The following ANOS1 variants were observed in gnomAD, a reference collection of about 807,000 sequenced individuals.
ANOS1 encodes anosmin 1, also known as anosmin-1.
ANOS1 carries 6 observed loss-of-function variants against 59.0 expected under a neutral mutation model. The observed-to-expected ratio is 0.10, with a 90% CI of 0.06 to 0.20. ANOS1 has a LOEUF of 0.20. Ranked by LOEUF, ANOS1 falls within the 10% of genes least tolerant of loss-of-function variation. The pLI, the probability that ANOS1 is intolerant of heterozygous loss-of-function variation, is 1.00. For synonymous variants in ANOS1, 217 were observed against 223.4 expected, an observed-to-expected ratio of 0.97 and a Z score of 0.25; for missense variants, 433 against 542.3, an observed-to-expected ratio of 0.80 and a Z score of 2.00.
At chrX:8,554,645 T>C (rs906047982) in intron 8 of ANOS1, among the ~76,000 whole-genome samples, 3 of 100,887 alleles carry the variant, frequency 3.0e-5, no homozygotes, top group Non-Finnish European at 2.0e-5. Flanking sequence ...AAGGGGAATA[T>C]ATAATGGTAA....
intron 8 of ANOS1, among the ~76,000 whole-genome samples, chrX:8,555,488 C>G (rs1016910348): frequency 9.0e-6 from 1 of 111,168 alleles, no homozygotes; most frequent in African/African-American, 3.3e-5. Context: ...ACTAGCCAGA[C>G]TAATAAAGAA....
At chrX:8,717,051 G>A (rs1932845546) in intron 1 of ANOS1, among the ~76,000 whole-genome samples, 1 of 111,578 alleles carries the variant, frequency 9.0e-6, no homozygotes, top group Non-Finnish European at 1.9e-5. Context: ...AAATGCACCA[G>A]ACAGCCCCTC....
chrX:8,686,965 A>G (rs1932532785), intron 2 of ANOS1, among the ~76,000 whole-genome samples: 1 of 111,493 alleles, frequency 9.0e-6, no homozygotes, highest in African/African-American at 3.3e-5. Context: ...AAAAAAAATT[A>G]AATAATTAAT....
chrX:8,658,802 G>T (rs1329735373), intron 2 of ANOS1, among the ~76,000 whole-genome samples: 1 of 111,859 alleles, frequency 8.9e-6, no homozygotes, highest in Non-Finnish European at 1.9e-5. Flanking sequence ...AAGAGTGGAT[G>T]GCAGGCTGGG....
At chrX:8,706,555 T>G (rs2146902916) in intron 1 of ANOS1, among the ~76,000 whole-genome samples, 1 of 112,047 alleles carries the variant, frequency 8.9e-6, no homozygotes, top group Non-Finnish European at 1.9e-5. Flanking sequence ...ACCCTGATGA[T>G]GATGATGTGC....
At chrX:8,630,129 G>A (rs1262734072) in intron 2 of ANOS1, among the ~76,000 whole-genome samples, 1 of 111,973 alleles carries the variant, frequency 8.9e-6, no homozygotes, top group Non-Finnish European at 1.9e-5. Flanking sequence ...TAAAATAAAC[G>A]AGTTAAGAAC....
chrX:8,583,590 G>A (rs1930461345), intron 6 of ANOS1, among the ~76,000 whole-genome samples: 2 of 111,409 alleles, frequency 1.8e-5, no homozygotes, highest in African/African-American at 3.3e-5. Context: ...TTAAACTCCC[G>A]TCATTCTAGG....
At chrX:8,695,535 A>G (rs1222262607) in intron 2 of ANOS1, among the ~76,000 whole-genome samples, 1 of 111,261 alleles carries the variant, frequency 9.0e-6, no homozygotes, top group Non-Finnish European at 1.9e-5. Context: ...GTATCCCTAA[A>G]TGAAGCTGAA....
chrX:8,597,222 G>GTT lies in ANOS1; in HGVS notation c.352_353insAA (p.Thr118LysfsTer13). 1.7e-6 allele frequency: 2 copies of GTT among 1,211,411 alleles called. No homozygotes were observed. The highest frequency in any genetic ancestry group is 2.2e-6 in the Non-Finnish European group (2 of 895,140). ...GATGTATTTGAGGAACTCACAGCTG[G>GTT]TCAAGCATTCGTAGCTCTTCTTGGG... On this transcript the variant is annotated frameshift_variant, in exon 4 of 14. Transcript: ENST00000262648. LOFTEE classifies it high-confidence loss of function.
rs1472761162 is a variant in ANOS1 at position 8,532,923 on chromosome X, T to C, written c.*72A>G. ...GAGCAGTTCCCACTGCCTCTGGAAG[T>C]GTGCATGTCTCGTGGCCGAAGTTCA... On this transcript the variant is annotated 3_prime_UTR_variant, in exon 14 of 14. Transcript: ENST00000262648. The C allele has an allele frequency of 3.1e-6, 2 of 644,007 alleles. No individual in the cohort carries two copies. The highest frequency in any genetic ancestry group is 5.2e-6 in the Non-Finnish European group (2 of 384,584). The allele number at this position is 644,007 out of a possible 1,213,427, so 53.1% of individuals were successfully genotyped here.
rs771954531 is a variant in ANOS1 at position 8,664,436 on chromosome X, G to A, written c.255+35262C>T. Among the ~76,000 whole-genome samples the A allele has an allele frequency of 2.4e-3, 263 of 109,987 alleles. 1 individual carries two copies. The highest frequency in any genetic ancestry group is 4.0e-3 in the Non-Finnish European group (210 of 52,711). On this transcript the variant is annotated intron_variant, in intron 2 of 13. Transcript: ENST00000262648. Reference sequence around the variant, plus strand: ...TCTCAATCTCCTGACCTCGTGATCCGCCCACCTTGGCCTCCCAAAGTGCTG... The same window carrying A: ...TCTCAATCTCCTGACCTCGTGATCCACCCACCTTGGCCTCCCAAAGTGCTG...
chrX:8,655,425 C>T (rs1032262708), intron 2 of ANOS1, among the ~76,000 whole-genome samples: 11 of 111,823 alleles, frequency 9.8e-5, no homozygotes, highest in South Asian at 3.8e-4. Context: ...GCTGTAAATA[C>T]AGAATAAGCT....
chrX:8,561,466 ATTT>A lies in ANOS1; in HGVS notation c.1207+6763_1207+6765del, dbSNP rs34119310. ...AGGCGCTCACCACCATGCCCGGCTA[ATTT>A]TTTTTTTTTTTTTTTTTTTGTATTT... On this transcript the variant is annotated intron_variant, in intron 8 of 13. Coordinates refer to ENST00000262648, the MANE Select transcript of ANOS1 (RefSeq NM_000216.4). Among the ~76,000 whole-genome samples, 148 of 67,021 alleles carry A rather than the reference ATTT, an allele frequency of 2.2e-3. 1 individual carries two copies. Among genetic ancestry groups the A allele is most frequent in the Middle Eastern group, 8.5e-3 (1 of 117 alleles). The allele number at this position is 67,021 out of a possible 115,157, so 58.2% of individuals were successfully genotyped here. A position where few individuals can be genotyped will look rare whatever the true frequency, so the allele number is the denominator to read the frequency against.
intron 2 of ANOS1, among the ~76,000 whole-genome samples, chrX:8,669,188 G>A (rs144141672): frequency 0.012 from 1,349 of 111,456 alleles, 20 homozygotes; most frequent in African/African-American, 0.043. Context: ...GGAAAATATC[G>A]TCTCTTATGA....
At chrX:8,554,550 T>TG (rs1247902910) in intron 8 of ANOS1, among the ~76,000 whole-genome samples, 23 of 93,713 alleles carry the variant, frequency 2.5e-4, no homozygotes, top group African/African-American at 9.5e-4. Flanking sequence ...GAGTTTTTTT[T>TG]TTTTTTTTTT....
intron 2 of ANOS1, among the ~76,000 whole-genome samples, chrX:8,633,022 T>C (rs1292387146): frequency 9.0e-6 from 1 of 111,595 alleles, no homozygotes; most frequent in Admixed American, 9.6e-5. Flanking sequence ...AAATTGGTAC[T>C]GTATAGAAAT....
intron 13 of ANOS1, among the ~76,000 whole-genome samples, chrX:8,533,648 T>C (rs1929536746): frequency 8.9e-6 from 1 of 112,055 alleles, no homozygotes; most frequent in Non-Finnish European, 1.9e-5. Flanking sequence ...AATTTAAAAA[T>C]CAGCAAGAGG....
chrX:8,726,526 G>A (rs183956793), intron 1 of ANOS1, among the ~76,000 whole-genome samples: 1 of 111,598 alleles, frequency 9.0e-6, no homozygotes, highest in Non-Finnish European at 1.9e-5. Context: ...CACACATCCC[G>A]CCTCACTTGC....
chrX:8,718,688 G>A (rs1231442862), intron 1 of ANOS1, among the ~76,000 whole-genome samples: 1 of 111,705 alleles, frequency 9.0e-6, no homozygotes, highest in Admixed American at 9.5e-5. Context: ...CATATGGCAG[G>A]ACTGTTGGGC....
Sources: gnomAD v4.1 joint callset for allele counts (sites outside exome capture counted in the v4.1 genomes callset) on GRCh38, gnomAD v4.1.1 for gene constraint, MANE v1.5 for transcripts, NCBI Gene and HGNC (gene_info 2026-07-23, HGNC 2026-07-21) for gene names.